Variants in LRRC40 observed in about 807,000 individuals in gnomAD.
LRRC40 encodes leucine-rich repeat-containing protein 40.
Under a neutral mutation model 72.8 loss-of-function variants are expected in LRRC40, and 76 were observed. That is an observed-to-expected ratio of 1.04 (90% CI 0.87 to 1.26). LRRC40 has a LOEUF of 1.26. Among genes scored for constraint, LRRC40 ranks in the 50% most tolerant of loss-of-function variants. LRRC40 has a pLI of 0.00. For synonymous variants in LRRC40, 243 were observed against 254.2 expected (o/e 0.96, Z 0.42); for missense variants, 684 against 698.9 (o/e 0.98, Z 0.24).
intron 9 of LRRC40, among the ~76,000 whole-genome samples, chr1:70,165,056 A>C (rs944518939): frequency 1.3e-5 from 2 of 152,250 alleles, no homozygotes; most frequent in African/African-American, 4.8e-5. Context: ...TATTATCTGC[A>C]TTCTACAGAT....
At chr1:70,198,507 C>T (rs375763754) in intron 1 of LRRC40, among the ~76,000 whole-genome samples, 1 of 152,210 alleles carries the variant, frequency 6.6e-6, no homozygotes, top group South Asian at 2.1e-4. Flanking sequence ...TCTAGTCCGA[C>T]GAAAAAGAGC....
chr1:70,170,962 C>T (rs1033631037), intron 9 of LRRC40, among the ~76,000 whole-genome samples: 1 of 151,988 alleles, frequency 6.6e-6, no homozygotes, highest in African/African-American at 2.4e-5. Context: ...AAACTTACTA[C>T]AAAACAATGG....
chr1:70,154,209 G>A (rs1222164233), intron 11 of LRRC40, among the ~76,000 whole-genome samples: 1 of 152,062 alleles, frequency 6.6e-6, no homozygotes, highest in African/African-American at 2.4e-5. Context: ...AAGTGGTTTG[G>A]GAACTTTCTA....
At position 70,176,531 on chromosome 1, in the gene LRRC40, C is replaced by CAA. The variant is rs368720423; in HGVS notation, c.805-551_805-550dup. 4.2e-3 allele frequency among the ~76,000 whole-genome samples: 121 copies of CAA among 28,590 alleles called. 1 individual carries two copies. Among genetic ancestry groups the CAA allele is most frequent in the Middle Eastern group, 0.016 (1 of 62 alleles). The allele number at this position is 28,590 out of a possible 152,430, so 18.8% of individuals were successfully genotyped here. ...TGGATGACAGACCAAGAATCCATCT[C>CAA]AAAAAAAAAAAAAAAAAAAAAACCA... On this transcript the variant is annotated intron_variant, in intron 6 of 14. Coordinates refer to ENST00000370952, the MANE Select transcript of LRRC40 (RefSeq NM_017768.5).
chr1:70,164,757 T>C (rs886275892), intron 9 of LRRC40, among the ~76,000 whole-genome samples: 2 of 152,192 alleles, frequency 1.3e-5, no homozygotes, highest in Non-Finnish European at 2.9e-5. Flanking sequence ...CTGTAATGAG[T>C]GTAAGATTTG....
At chr1:70,188,454 G>A (rs1668416335) in intron 2 of LRRC40, among the ~76,000 whole-genome samples, 1 of 152,086 alleles carries the variant, frequency 6.6e-6, no homozygotes, top group South Asian at 2.1e-4. Context: ...TGTAACAATA[G>A]GCCAGGTGCA....
chr1:70,165,029 C>T (rs1028027533), intron 9 of LRRC40, among the ~76,000 whole-genome samples: 1 of 152,114 alleles, frequency 6.6e-6, no homozygotes, highest in African/African-American at 2.4e-5. Flanking sequence ...ATCCTCAAAA[C>T]ACACCTTTCA....
At chr1:70,178,301 A>T (rs1010886857) in intron 6 of LRRC40, among the ~76,000 whole-genome samples, 1 of 152,250 alleles carries the variant, frequency 6.6e-6, no homozygotes, top group Non-Finnish European at 1.5e-5. Flanking sequence ...ATGGAAAATT[A>T]TTCTTATTAA....
At chr1:70,201,617 A>G (rs1668740319) in intron 1 of LRRC40, among the ~76,000 whole-genome samples, 1 of 152,206 alleles carries the variant, frequency 6.6e-6, no homozygotes, top group African/African-American at 2.4e-5. Flanking sequence ...ATGGCAAATG[A>G]GCATATGAAA....
chr1:70,167,322 G>A (rs1667905030), intron 9 of LRRC40, among the ~76,000 whole-genome samples: 1 of 151,980 alleles, frequency 6.6e-6, no homozygotes, highest in African/African-American at 2.4e-5. Context: ...CACTTTGAGA[G>A]GCTAAGGCAG....
At chr1:70,192,232 T>C (rs542820728) in intron 1 of LRRC40, among the ~76,000 whole-genome samples, 58 of 152,264 alleles carry the variant, frequency 3.8e-4, no homozygotes, top group African/African-American at 1.4e-3. Flanking sequence ...TTGCAGCATC[T>C]GTGAATGAGA....
chr1:70,199,610 G>A (rs1238736938), intron 1 of LRRC40, among the ~76,000 whole-genome samples: 3 of 152,042 alleles, frequency 2.0e-5, no homozygotes, highest in Non-Finnish European at 4.4e-5. Flanking sequence ...TTGATGAATA[G>A]TAAATATATT....
chr1:70,148,723 C>A (rs1280390324), intron 13 of LRRC40, 51 bp from the exon 14 acceptor site: 8 of 1,123,110 alleles, frequency 7.1e-6, no homozygotes, highest in South Asian at 1.8e-5. Context: ...AGACCAAAAT[C>A]ATTCCTTAAA....
Position 70,189,156 on chromosome 1 carries a change from G to C in LRRC40, c.269C>G (p.Ser90Ter). The C allele has an allele frequency of 6.2e-7, 1 of 1,613,790 alleles. No homozygotes were observed. The highest frequency in any genetic ancestry group is 8.5e-7 in the Non-Finnish European group (1 of 1,179,948). The part of the protein sequence containing the change: ...EQTDLTKLII[S>*]NNKLQSLTDD... ...TGTAAGTGACTGAAGTTTATTGTTT[G>C]ATATTATTAGTTTGGTCAAATCTGT... The change falls in exon 2 of 15, where the codon TCA (serine) becomes TGA (stop). Residue 90 changes from serine (S) to a stop codon, truncating the protein, a stop_gained. Coordinates refer to ENST00000370952, the MANE Select transcript of LRRC40 (RefSeq NM_017768.5). LOFTEE classifies it high-confidence loss of function.
At position 70,177,701 on chromosome 1, in the gene LRRC40, A is replaced by G. The variant is rs555627568; in HGVS notation, c.804+1150T>C. Among the ~76,000 whole-genome samples, 177 of 152,364 alleles carry G rather than the reference A, an allele frequency of 1.2e-3. 1 individual carries two copies. Among genetic ancestry groups the G allele is most frequent in the African/African-American group, 3.8e-3 (156 of 41,582 alleles). Reference sequence around the variant, plus strand: ...TTAAGTTGCTCACCATTTCAGACAGATGATTCATCCTGTAAGCAGATGATA... The same window carrying G: ...TTAAGTTGCTCACCATTTCAGACAGGTGATTCATCCTGTAAGCAGATGATA... On this transcript the variant is annotated intron_variant, in intron 6 of 14. Transcript: ENST00000370952.
chr1:70,159,754 TTAAG>T (rs1667716017), intron 9 of LRRC40, among the ~76,000 whole-genome samples: 1 of 152,182 alleles, frequency 6.6e-6, no homozygotes, highest in African/African-American at 2.4e-5. Context: ...ATCCTTCCTC[TTAAG>T]TAAAATAATA....
intron 1 of LRRC40, among the ~76,000 whole-genome samples, chr1:70,199,299 G>A (rs1668683716): frequency 6.7e-6 from 1 of 149,152 alleles, no homozygotes; most frequent in South Asian, 2.1e-4. Context: ...ACTAACTCTG[G>A]TTGGCTTCTT....
chr1:70,172,878 C>T (rs1194381008), intron 9 of LRRC40, among the ~76,000 whole-genome samples: 1 of 151,670 alleles, frequency 6.6e-6, no homozygotes, highest in African/African-American at 2.4e-5. Context: ...TAGCATAGCA[C>T]TCGTACAACT....
At chr1:70,183,693 C>A (rs1165478939) in intron 4 of LRRC40, among the ~76,000 whole-genome samples, 1 of 152,010 alleles carries the variant, frequency 6.6e-6, no homozygotes, top group African/African-American at 2.4e-5. Flanking sequence ...CTGAGACTTA[C>A]AGGCACGTGC....
Sources: allele counts gnomAD v4.1 joint callset (sites outside exome capture counted in the v4.1 genomes callset), GRCh38; gene constraint gnomAD v4.1.1; transcripts MANE v1.5; gene names NCBI Gene and HGNC (gene_info 2026-07-23, HGNC 2026-07-21).